RIMS2: variants seen among roughly 807,000 people sequenced by gnomAD.
RIMS2 encodes the protein regulating synaptic membrane exocytosis 2, also known as regulating synaptic membrane exocytosis protein 2.
RIMS2 carries 59 observed loss-of-function variants against 174.4 expected under a neutral mutation model. The ratio of observed to expected loss-of-function variants is 0.34; its 90% CI spans 0.27 to 0.42. The LOEUF (loss-of-function observed/expected upper bound fraction) is 0.42. Ranked by LOEUF, RIMS2 falls within the 10% of genes least tolerant of loss-of-function variation. RIMS2 has a pLI of 1.00. For missense variants in RIMS2, 1,620 were observed against 1,666.3 expected, an observed-to-expected ratio of 0.97 and a Z score of 0.48; for synonymous variants, 606 against 572.5, an observed-to-expected ratio of 1.06 and a Z score of -0.84.
chr8:103,592,619 A>T (rs766060942), intron 1 of RIMS2, among the ~76,000 whole-genome samples: 14 of 151,410 alleles, frequency 9.2e-5, no homozygotes, highest in Non-Finnish European at 1.3e-4. Context: ...CCATTTCAGG[A>T]TATATGTGAA....
chr8:103,830,523 C>T (rs1018756758), intron 3 of RIMS2, among the ~76,000 whole-genome samples: 13 of 152,096 alleles, frequency 8.5e-5, no homozygotes, highest in Admixed American at 7.2e-4. Flanking sequence ...TGTTCTACTG[C>T]CCACTGTGAG....
chr8:103,847,126 AT>A (rs2098971861), intron 3 of RIMS2, among the ~76,000 whole-genome samples: 1 of 152,104 alleles, frequency 6.6e-6, no homozygotes, highest in South Asian at 2.1e-4. Context: ...CTGTTGAAGC[AT>A]CCCCCACTTT....
chr8:103,976,128 A>G (rs540433866), intron 16 of RIMS2: 4 of 152,372 alleles, frequency 2.6e-5, no homozygotes, highest in Admixed American at 1.3e-4. Context: ...TCAAAATGGC[A>G]TTACAGACCT....
chr8:104,067,862 C>T (rs2097131897), intron 19 of RIMS2, among the ~76,000 whole-genome samples: 1 of 152,146 alleles, frequency 6.6e-6, no homozygotes, highest in African/African-American at 2.4e-5. Flanking sequence ...GGCTTACCGT[C>T]TTGCTTTCTT....
chr8:103,832,147 A>G (rs2098829695), intron 3 of RIMS2, among the ~76,000 whole-genome samples: 1 of 152,222 alleles, frequency 6.6e-6, no homozygotes, highest in Admixed American at 6.5e-5. Flanking sequence ...CTTTCAATAT[A>G]TCTGTGGCTT....
chr8:103,513,050 T>C (rs957434073), intron 1 of RIMS2, among the ~76,000 whole-genome samples: 4 of 152,188 alleles, frequency 2.6e-5, no homozygotes, highest in African/African-American at 9.6e-5. Flanking sequence ...GTGGCAGGGC[T>C]GCTGTCCAGG....
chr8:103,761,661 G>GT, intron 2 of RIMS2, among the ~76,000 whole-genome samples: 1 of 152,316 alleles, frequency 6.6e-6, no homozygotes, highest in Admixed American at 6.5e-5. Context: ...GGAAAATGTA[G>GT]TTTTCTAAGA....
At chr8:103,535,124 A>G (rs901096470) in intron 1 of RIMS2, among the ~76,000 whole-genome samples, 2 of 152,200 alleles carry the variant, frequency 1.3e-5, no homozygotes, top group Admixed American at 6.5e-5. Context: ...TATATGGTTA[A>G]TTTCAACAAC....
intron 19 of RIMS2, among the ~76,000 whole-genome samples, chr8:104,193,711 T>C (rs2099009539): frequency 6.6e-6 from 1 of 152,212 alleles, no homozygotes. Flanking sequence ...GATATCTCAT[T>C]GTTGTGTTAA....
intron 4 of RIMS2, among the ~76,000 whole-genome samples, chr8:103,898,792 T>C (rs996322495): frequency 2.0e-5 from 3 of 151,554 alleles, no homozygotes; most frequent in African/African-American, 7.3e-5. Context: ...GTTACATATG[T>C]ATACATGTGC....
chr8:103,567,402 T>A (rs1216166800), intron 1 of RIMS2, among the ~76,000 whole-genome samples: 2 of 152,248 alleles, frequency 1.3e-5, no homozygotes, highest in Non-Finnish European at 2.9e-5. Flanking sequence ...TTACTTTATA[T>A]AAATGGAATC....
intron 19 of RIMS2, among the ~76,000 whole-genome samples, chr8:104,203,670 A>T (rs529542274): frequency 6.6e-6 from 1 of 151,904 alleles, no homozygotes; most frequent in South Asian, 2.1e-4. Context: ...CTGCCAGCTA[A>T]TTTTTGTAAT....
At chr8:104,194,929 G>A (rs1184426218) in intron 19 of RIMS2, among the ~76,000 whole-genome samples, 1 of 152,160 alleles carries the variant, frequency 6.6e-6, no homozygotes, top group Non-Finnish European at 1.5e-5. Context: ...ACATAATTCA[G>A]TATTACTGAA....
At chr8:104,025,168 T>G (rs1291416976) in intron 19 of RIMS2, among the ~76,000 whole-genome samples, 1 of 152,166 alleles carries the variant, frequency 6.6e-6, no homozygotes. Context: ...TAAAATAACT[T>G]GGTATGTTAA....
intron 1 of RIMS2, among the ~76,000 whole-genome samples, chr8:103,507,107 G>A (rs1472036970): frequency 1.3e-5 from 2 of 152,070 alleles, no homozygotes; most frequent in Non-Finnish European, 2.9e-5. Flanking sequence ...CTGAAGTATG[G>A]TTATTGAGCT....
intron 4 of RIMS2, among the ~76,000 whole-genome samples, chr8:103,891,838 A>G (rs1362208738): frequency 6.6e-6 from 1 of 152,092 alleles, no homozygotes; most frequent in Non-Finnish European, 1.5e-5. Flanking sequence ...GAGAAGACCT[A>G]GCATAGGAGG....
At chr8:103,589,754 A>G (rs930594387) in intron 1 of RIMS2, among the ~76,000 whole-genome samples, 17 of 151,654 alleles carry the variant, frequency 1.1e-4, no homozygotes, top group African/African-American at 4.1e-4. Flanking sequence ...GAGTCATAAA[A>G]AAGAATGAGA....
rs140265646 is a variant in RIMS2, at chr8:103,900,955, C to T, written c.1625-9179C>T. Among the ~76,000 whole-genome samples the T allele has an allele frequency of 4.4e-4, 67 of 152,158 alleles. 1 individual carries two copies. Among genetic ancestry groups the T allele is most frequent in the African/African-American group, 1.6e-3 (65 of 41,510 alleles). On this transcript the variant is annotated intron_variant, in intron 4 of 23. Coordinates refer to ENST00000504942, the Ensembl canonical transcript of RIMS2. Reference sequence around the variant, plus strand: ...AGATTGGGCATATCTTCATTAGTTGCGCATCTGTCTTGCCCCCAGGGACGC... The same window carrying T: ...AGATTGGGCATATCTTCATTAGTTGTGCATCTGTCTTGCCCCCAGGGACGC...
rs534175026 is a variant in RIMS2 at position 104,156,641 on chromosome 8, T to G, written c.3335-88275T>G. 9.8e-5 allele frequency among the ~76,000 whole-genome samples: 15 copies of G among 152,336 alleles called. No individual in the cohort carries two copies. The South Asian group carries it at 3.1e-3, about 32-fold the overall frequency. ...GCATATATTTTATGTATTGTTAAAGTGTAGTAGAATATGTGCATCATTTAT... is the reference window on the plus strand; with the variant it reads ...GCATATATTTTATGTATTGTTAAAGGGTAGTAGAATATGTGCATCATTTAT... On this transcript the variant is annotated intron_variant, in intron 19 of 23. Coordinates refer to ENST00000504942, the Ensembl canonical transcript of RIMS2.
Sources: allele counts gnomAD v4.1 joint callset (sites outside exome capture counted in the v4.1 genomes callset), GRCh38; gene constraint gnomAD v4.1.1; transcripts MANE v1.5; gene names NCBI Gene and HGNC (gene_info 2026-07-23, HGNC 2026-07-21).